Variants in RPGRIP1 observed in about 807,000 individuals in gnomAD.
The protein encoded by RPGRIP1 is RPGR interacting protein 1, also known as X-linked retinitis pigmentosa GTPase regulator-interacting protein 1.
Under a neutral mutation model 157.9 loss-of-function variants are expected in RPGRIP1, and 128 were observed. The ratio of observed to expected loss-of-function variants is 0.81; its 90% CI spans 0.70 to 0.94. The LOEUF (loss-of-function observed/expected upper bound fraction) is 0.94. RPGRIP1 is among the 40% of genes least tolerant of loss of function. RPGRIP1 has a pLI of 0.00. For synonymous variants in RPGRIP1, 554 were observed against 571.6 expected (o/e 0.97, Z 0.44); for missense variants, 1,486 against 1,545.8 (o/e 0.96, Z 0.65).
rs375351235 is a variant in RPGRIP1 at position 21,302,525 on chromosome 14, G to A, written c.528G>A (p.Ser176=). Residue 176 remains serine, a synonymous_variant, in exon 5 of 25, where the codon TCG becomes TCA. Transcript: ENST00000400017. ...RDRLSYTAPP[S]FKEHATNENR... ...GGCTGAGCTACACAGCCCCTCCATC[G>A]TTTAAGGAGCATGCGACAAATGAAA... 55 of 1,590,576 alleles carry A rather than the reference G, an allele frequency of 3.5e-5. No homozygotes were observed. The Middle Eastern group carries it at 1.8e-3, about 53-fold the overall frequency.
intron 3 of RPGRIP1, among the ~76,000 whole-genome samples, chr14:21,296,958 A>T (rs1880809620): frequency 6.6e-6 from 1 of 152,092 alleles, no homozygotes; most frequent in Admixed American, 6.6e-5. Flanking sequence ...ATCTAAAAAA[A>T]AAAAAAAAAA....
chr14:21,338,794 G>A (rs1260504743), intron 21 of RPGRIP1, among the ~76,000 whole-genome samples: 1 of 152,200 alleles, frequency 6.6e-6, no homozygotes, highest in East Asian at 1.9e-4. Flanking sequence ...TAAACTTGAT[G>A]TAGTCTGCAT....
intron 22 of RPGRIP1, among the ~76,000 whole-genome samples, chr14:21,343,866 GTTTTTTTTTTTTTTTTTTTTTTT>G (rs67535379): frequency 1.2e-3 from 61 of 50,442 alleles, no homozygotes; most frequent in African/African-American, 4.1e-3. Flanking sequence ...CTCTTTTCCT[GTTTTTTTTTTTTTTTTTTTTTTT>G]TTTTTTTTTT....
chr14:21,297,709 T>A (rs1439401274), intron 3 of RPGRIP1, among the ~76,000 whole-genome samples: 2 of 152,164 alleles, frequency 1.3e-5, no homozygotes, highest in East Asian at 3.9e-4. Context: ...TAGAACTTAT[T>A]ATAGTATCTA....
At chr14:21,284,957 G>GAAAA (rs1566663963) in intron 1 of RPGRIP1, among the ~76,000 whole-genome samples, 7 of 151,976 alleles carry the variant, frequency 4.6e-5, no homozygotes, top group African/African-American at 1.5e-4. Context: ...TCTCTCTCTT[G>GAAAA]TTCGTTCATT....
Position 21,324,866 on chromosome 14 carries a change from G to A in RPGRIP1, c.2011G>A (p.Gly671Arg). 6.2e-7 allele frequency: 1 copy of A among 1,613,932 alleles called. No homozygotes were observed. Among genetic ancestry groups the A allele is most frequent in the Non-Finnish European group, 8.5e-7 (1 of 1,179,894 alleles). ...AACCCACTGTACCCCATTATCTGTGGGGCCACAGCCCCTCTATGACTTCAC... is the reference window on the plus strand; with the variant it reads ...AACCCACTGTACCCCATTATCTGTGAGGCCACAGCCCCTCTATGACTTCAC... The part of the protein sequence containing the change: ...FETHCTPLSV[G>R]PQPLYDFTSQ... Residue 671 changes from glycine to arginine, a missense_variant, in exon 15 of 25, where the codon GGG becomes AGG. Physicochemically the swap from Gly to Arg is moderately radical, Grantham distance 125. Coordinates refer to ENST00000400017, the MANE Select transcript of RPGRIP1 (RefSeq NM_020366.4).
At chr14:21,325,674 C>A in intron 16 of RPGRIP1, 157 bp from the exon 17 acceptor site, 1 of 666,664 alleles carries the variant, frequency 1.5e-6, no homozygotes, top group Non-Finnish European at 2.5e-6. Flanking sequence ...ACTGCCAGAG[C>A]CAGTTTGCAG....
chr14:21,336,504 T>C lies in RPGRIP1; in HGVS notation c.3339+1799T>C, dbSNP rs140309745. ...GAGCCATGATCTTGCCACTGCACTCTAGCTTAGGTGACAGAGAGAGACCCT... is the reference window on the plus strand; with the variant it reads ...GAGCCATGATCTTGCCACTGCACTCCAGCTTAGGTGACAGAGAGAGACCCT... On this transcript the variant is annotated intron_variant, in intron 21 of 24. Coordinates refer to ENST00000400017, the MANE Select transcript of RPGRIP1 (RefSeq NM_020366.4). 6.6e-3 allele frequency among the ~76,000 whole-genome samples: 1,005 copies of C among 152,296 alleles called. 9 individuals are homozygous for C. Among genetic ancestry groups the C allele is most frequent in the African/African-American group, 0.023 (957 of 41,558 alleles).
At position 21,310,590 on chromosome 14, in the gene RPGRIP1, G is replaced by A. The variant is rs752956324; in HGVS notation, c.913G>A (p.Glu305Lys). ...AATAATTTCTTTCTTCCAGGCATAC[G>A]AAACCTTGCTCCAGAAGGTACTTAA... ...AQLTEVQEAY[E>K]TLLQKNQGIL... Residue 305 changes from glutamate (E) to lysine (K), a missense_variant, in exon 8 of 25, where the codon GAA (glutamate) becomes AAA (lysine). Glu to Lys is a moderately conservative substitution (Grantham distance 56). Transcript: ENST00000400017. 47 of 1,445,842 alleles carry A rather than the reference G, an allele frequency of 3.3e-5. No individual in the cohort carries two copies. The Admixed American group carries it at 9.3e-4, about 29-fold the overall frequency. The allele number at this position is 1,445,842 out of a possible 1,614,324, so 89.6% of individuals were successfully genotyped here.
rs751275677 is a variant in RPGRIP1, at chr14:21,317,792, G to A, written c.1248G>A (p.Gln416=). The A allele has an allele frequency of 1.1e-5, 17 of 1,604,156 alleles. No individual in the cohort carries two copies. The Admixed American group carries it at 2.9e-4, about 27-fold the overall frequency. The change falls in exon 11 of 25, where the codon CAG becomes CAA. Residue 416 remains glutamine (Q), a synonymous_variant. Coordinates refer to ENST00000400017, the MANE Select transcript of RPGRIP1 (RefSeq NM_020366.4). ...AGCAAGTCTCTCAGCTGCAGGATCA[G>A]CTGGATGCTGAGCTGGAGGACAAGA... ...LQQQVSQLQD[Q]LDAELEDKRK... is the part of the protein sequence containing the mutation.
At chr14:21,349,473 TCAC>T (rs1463761773) in intron 24 of RPGRIP1, among the ~76,000 whole-genome samples, 52 of 145,682 alleles carry the variant, frequency 3.6e-4, no homozygotes, top group Non-Finnish European at 5.8e-4. Context: ...CGATCTCAGC[TCAC>T]CACAACCTCT....
At chr14:21,309,730 C>G (rs1035821409) in intron 7 of RPGRIP1, among the ~76,000 whole-genome samples, 1 of 151,900 alleles carries the variant, frequency 6.6e-6, no homozygotes, top group Admixed American at 6.6e-5. Context: ...CTTTATCCTA[C>G]AAACAGCAGA....
chr14:21,288,628 C>T (rs1880394828), intron 2 of RPGRIP1, among the ~76,000 whole-genome samples: 1 of 151,762 alleles, frequency 6.6e-6, no homozygotes, highest in Admixed American at 6.6e-5. Context: ...AGTTCTCCTA[C>T]CTCAGACTCC....
rs144568278 is a variant in RPGRIP1, at chr14:21,292,226, G to A, written c.86-2451G>A. ...GTCATATATAAATATTTTTATAAAGGCATATGGTCATGTTATAATTTTCTT... is the reference window on the plus strand; with the variant it reads ...GTCATATATAAATATTTTTATAAAGACATATGGTCATGTTATAATTTTCTT... On this transcript the variant is annotated intron_variant, in intron 2 of 24. Transcript: ENST00000400017. Among the ~76,000 whole-genome samples, 235 of 152,150 alleles carry A rather than the reference G, an allele frequency of 1.5e-3. 1 individual carries two copies. The highest frequency in any genetic ancestry group is 5.4e-3 in the African/African-American group (224 of 41,514).
At chr14:21,337,905 G>T (rs1434657412) in intron 21 of RPGRIP1, among the ~76,000 whole-genome samples, 3 of 151,362 alleles carry the variant, frequency 2.0e-5, no homozygotes, top group Non-Finnish European at 4.4e-5. Flanking sequence ...ACAGACACAC[G>T]CTGTCACGTC....
Position 21,324,352 on chromosome 14 carries a change from C to T in RPGRIP1, c.1763-266C>T, listed in dbSNP as rs147550630. ...TGTCATATATAAGATAAAATGTGCC[C>T]CCAGTGTTTTCCTAAGTTTAGCATC... is the stretch of plus-strand genomic sequence containing the variant. On this transcript the variant is annotated intron_variant, in intron 14 of 24. Transcript: ENST00000400017. The T allele has an allele frequency of 9.4e-4, 493 of 526,660 alleles. 1 individual carries two copies. Among genetic ancestry groups the T allele is most frequent in the African/African-American group, 8.7e-3 (459 of 52,552 alleles). 32.6% of individuals were successfully genotyped at this position (526,660 alleles called of 1,614,324 possible).
At chr14:21,320,224 T>G in intron 12 of RPGRIP1, 47 bp downstream of exon 12, 3 of 1,494,664 alleles carry the variant, frequency 2.0e-6, no homozygotes, top group South Asian at 1.2e-5. Context: ...GAGAGATCTC[T>G]GGCAAATATC....
chr14:21,324,597 G>T (rs1017996716), intron 14 of RPGRIP1, 21 bp from the exon 15 acceptor site: 1 of 1,600,512 alleles, frequency 6.2e-7, no homozygotes, highest in African/African-American at 1.3e-5. Context: ...TAACGGATAG[G>T]CAGCTTTCTT....
At chr14:21,309,711 G>A (rs1333490421) in intron 7 of RPGRIP1, among the ~76,000 whole-genome samples, 4 of 152,052 alleles carry the variant, frequency 2.6e-5, no homozygotes, top group African/African-American at 9.7e-5. Context: ...AACATGCTAG[G>A]AATTTAGACT....
Sources: gnomAD v4.1 joint callset for allele counts (sites outside exome capture counted in the v4.1 genomes callset) on GRCh38, gnomAD v4.1.1 for gene constraint, MANE v1.5 for transcripts, NCBI Gene and HGNC (gene_info 2026-07-23, HGNC 2026-07-21) for gene names.